FHIT: variants seen among roughly 807,000 people sequenced by gnomAD.
FHIT encodes fragile histidine triad diadenosine triphosphatase, also known as bis(5'-adenosyl)-triphosphatase.
A neutral mutation model predicts 17.9 loss-of-function variants in FHIT; 19 were observed. That is an observed-to-expected ratio of 1.06 (90% CI 0.74 to 1.56). The LOEUF (loss-of-function observed/expected upper bound fraction) is 1.56. Ranked by LOEUF, FHIT falls within the 40% of genes most tolerant of loss-of-function variation. FHIT has a pLI of 0.00. For synonymous variants in FHIT, 81 were observed against 69.7 expected, an observed-to-expected ratio of 1.16 and a Z score of -0.81; for missense variants, 248 against 189.2, an observed-to-expected ratio of 1.31 and a Z score of -1.82.
chr3:60,630,608 C>G (rs2039412795), intron 4 of FHIT, among the ~76,000 whole-genome samples: 1 of 152,164 alleles, frequency 6.6e-6, no homozygotes, highest in South Asian at 2.1e-4. Context: ...CAGCATTTGT[C>G]TTAGCAGTGT....
intron 3 of FHIT, among the ~76,000 whole-genome samples, chr3:60,842,702 A>C (rs1702783427): frequency 6.8e-6 from 1 of 146,490 alleles, no homozygotes; most frequent in Non-Finnish European, 1.5e-5. Flanking sequence ...TTAAAAAATG[A>C]AAGTCCACAT....
At chr3:60,709,495 C>T (rs1418008421) in intron 4 of FHIT, among the ~76,000 whole-genome samples, 1 of 152,086 alleles carries the variant, frequency 6.6e-6, no homozygotes, top group Non-Finnish European at 1.5e-5. Flanking sequence ...GAAACCACAT[C>T]AAGAAATTTT....
At chr3:59,829,854 T>TAG (rs1364621931) in intron 8 of FHIT, among the ~76,000 whole-genome samples, 1 of 151,912 alleles carries the variant, frequency 6.6e-6, no homozygotes, top group Admixed American at 6.6e-5. Flanking sequence ...AAATTGGCCC[T>TAG]AGAGAGCCAC....
intron 3 of FHIT, among the ~76,000 whole-genome samples, chr3:60,916,992 C>T (rs1169994032): frequency 2.0e-5 from 3 of 152,144 alleles, no homozygotes; most frequent in South Asian, 2.1e-4. Context: ...AATGCAATTA[C>T]TTTTGAAAAG....
intron 3 of FHIT, among the ~76,000 whole-genome samples, chr3:60,957,747 T>G (rs1447974495): frequency 1.3e-5 from 2 of 152,218 alleles, no homozygotes; most frequent in African/African-American, 4.8e-5. Flanking sequence ...TGATCTTGTA[T>G]AAGGCAAATG....
intron 3 of FHIT, among the ~76,000 whole-genome samples, chr3:60,884,910 C>CAAAAAAAAAAAAAAAAA (rs71092651): frequency 8.2e-5 from 9 of 110,244 alleles, no homozygotes; most frequent in African/African-American, 2.1e-4. Flanking sequence ...GACCCTTTCT[C>CAAAAAAAAAAAAAAAAA]AAAAAAAAAA....
chr3:60,620,522 G>A (rs1262769054), intron 4 of FHIT, among the ~76,000 whole-genome samples: 2 of 151,620 alleles, frequency 1.3e-5, no homozygotes, highest in Admixed American at 6.6e-5. Context: ...GGCATACTGC[G>A]AAGCAAAAGG....
chr3:60,254,062 C>G (rs1705860762), intron 5 of FHIT, among the ~76,000 whole-genome samples: 1 of 152,148 alleles, frequency 6.6e-6, no homozygotes, highest in Admixed American at 6.5e-5. Flanking sequence ...TCTGCTTTCT[C>G]TCTTTTACAC....
intron 8 of FHIT, among the ~76,000 whole-genome samples, chr3:59,826,646 G>A (rs904599619): frequency 3.9e-5 from 6 of 152,226 alleles, no homozygotes; most frequent in Non-Finnish European, 8.8e-5. Context: ...CACAATGTGC[G>A]CGAGTGCGCG....
At chr3:61,037,589 G>A (rs1003373753) in intron 3 of FHIT, among the ~76,000 whole-genome samples, 1 of 152,180 alleles carries the variant, frequency 6.6e-6, no homozygotes, top group African/African-American at 2.4e-5. Context: ...GTGCAACAGA[G>A]GTGGGTCCTT....
At chr3:59,845,835 C>G (rs552145148) in intron 8 of FHIT, among the ~76,000 whole-genome samples, 2 of 152,162 alleles carry the variant, frequency 1.3e-5, no homozygotes, top group African/African-American at 2.4e-5. Context: ...TACTTAACTT[C>G]TGTCTTTTGT....
chr3:60,536,691 G>A, intron 5 of FHIT, 169 bp downstream of exon 5: 1 of 603,656 alleles, frequency 1.7e-6, no homozygotes, highest in Non-Finnish European at 2.6e-6. Flanking sequence ...ACTGGATTCA[G>A]AATAAATATG....
At chr3:60,169,174 G>A (rs1450280771) in intron 5 of FHIT, among the ~76,000 whole-genome samples, 3 of 152,126 alleles carry the variant, frequency 2.0e-5, no homozygotes, top group Non-Finnish European at 2.9e-5. Flanking sequence ...GTGCCAATAC[G>A]TCAATCCACG....
intron 5 of FHIT, among the ~76,000 whole-genome samples, chr3:60,193,314 G>C (rs1279006092): frequency 6.6e-6 from 1 of 152,106 alleles, no homozygotes; most frequent in Non-Finnish European, 1.5e-5. Flanking sequence ...AGCACCCTTA[G>C]GTTTCAATGC....
At position 59,840,406 on chromosome 3, in the gene FHIT, A is replaced by G. The variant is rs540013842; in HGVS notation, c.348+81940T>C. On this transcript the variant is annotated intron_variant, in intron 8 of 9. Coordinates refer to ENST00000492590, the MANE Select transcript of FHIT (RefSeq NM_002012.4). ...ATTATCCCCCTTTAAAAAAAAAAAA[A>G]AAAGAAAGAAACCATCTATCAAAAT... Among the ~76,000 whole-genome samples the G allele has an allele frequency of 5.9e-5, 9 of 151,458 alleles. 1 individual carries two copies. Among genetic ancestry groups the G allele is most frequent in the Admixed American group, 2.6e-4 (4 of 15,186 alleles).
chr3:60,096,639 G>A (rs1377955768), intron 5 of FHIT, among the ~76,000 whole-genome samples: 1 of 152,118 alleles, frequency 6.6e-6, no homozygotes, highest in Non-Finnish European at 1.5e-5. Context: ...TGTTTTCCCT[G>A]TACCTTCCTT....
intron 5 of FHIT, among the ~76,000 whole-genome samples, chr3:60,067,043 G>A (rs1454639205): frequency 1.3e-5 from 2 of 152,056 alleles, no homozygotes; most frequent in Non-Finnish European, 2.9e-5. Context: ...AAATTCTCAT[G>A]AAGTACTAGA....
intron 5 of FHIT, among the ~76,000 whole-genome samples, chr3:60,445,738 T>A (rs1222822392): frequency 2.0e-5 from 3 of 151,676 alleles, no homozygotes; most frequent in Non-Finnish European, 4.4e-5. Flanking sequence ...AAGAAAGAAT[T>A]CAAAGACAAA....
At chr3:61,128,473 A>G (rs140393700) in intron 2 of FHIT, among the ~76,000 whole-genome samples, 226 of 152,312 alleles carry the variant, frequency 1.5e-3, no homozygotes, top group Non-Finnish European at 2.8e-3. Flanking sequence ...CTAACCTGCA[A>G]TTACAATATA....
Sources: gnomAD v4.1 joint callset for allele counts (sites outside exome capture counted in the v4.1 genomes callset) on GRCh38, gnomAD v4.1.1 for gene constraint, MANE v1.5 for transcripts, NCBI Gene and HGNC (gene_info 2026-07-23, HGNC 2026-07-21) for gene names.